The following TRIM11 variants were observed in gnomAD, a reference collection of about 807,000 sequenced individuals.
TRIM11 encodes the protein E3 ubiquitin-protein ligase TRIM11.
TRIM11 carries 15 observed loss-of-function variants against 33.4 expected under a neutral mutation model. The observed-to-expected ratio is 0.45, with a 90% CI of 0.30 to 0.69. The LOEUF (loss-of-function observed/expected upper bound fraction) is 0.69, where lower values mean the gene tolerates loss of function less well. Among genes scored for constraint, TRIM11 ranks in the 30% least tolerant of loss-of-function variants. The pLI is 0.08. For missense variants in TRIM11, 499 were observed against 667.6 expected (o/e 0.75, Z 2.78); for synonymous variants, 281 against 302.6 (o/e 0.93, Z 0.74).
rs894073784 is a variant in TRIM11 at position 228,401,924 on chromosome 1, C to A, written c.504+142G>T. ...GAAAGGACCAGCCCTTCAGTGGGCT[C>A]GGTGGGGCCAGGCTGAAGCAGTGAC... On this transcript the variant is annotated intron_variant, in intron 2 of 5. Coordinates refer to ENST00000284551, the MANE Select transcript of TRIM11 (RefSeq NM_145214.3). This position sits in a 1 kb window ranked among gnomAD's most constrained non-coding sequence, Gnocchi z 6.1. 9 of 550,452 alleles carry A rather than the reference C, an allele frequency of 1.6e-5. No homozygotes were observed. The South Asian group carries it at 2.8e-4, about 17-fold the overall frequency. 34.1% of individuals were successfully genotyped at this position (550,452 alleles called of 1,614,324 possible).
rs150352596 is a variant in TRIM11, at chr1:228,403,109, G to C, written c.409-948C>G. 1 of 152,260 alleles carries C rather than the reference G, an allele frequency of 6.6e-6. No homozygotes were observed. Among genetic ancestry groups the C allele is most frequent in the African/African-American group, 2.4e-5 (1 of 41,456 alleles). The allele number at this position is 152,260 out of a possible 1,614,324, so 9.4% of individuals were successfully genotyped here. ...TTCCTCATGCTGTGCATACCAGGAA[G>C]CAGTGAAAATCCTGTACACAAGCTC... On this transcript the variant is annotated intron_variant, in intron 1 of 5. Coordinates refer to ENST00000284551, the MANE Select transcript of TRIM11 (RefSeq NM_145214.3). This position sits in a 1 kb window ranked among gnomAD's most constrained non-coding sequence, Gnocchi z 4.8.
At position 228,394,937 on chromosome 1, in the gene TRIM11, C is replaced by T. The variant is rs746984282; in HGVS notation, c.1175G>A (p.Arg392Gln). 1.2e-6 allele frequency: 2 copies of T among 1,614,150 alleles called. No homozygotes were observed. Among genetic ancestry groups the T allele is most frequent in the East Asian group, 4.5e-5 (2 of 44,860 alleles). ...TGGGTCCCGGAGTGGAGCCAAGGCCCGTTCCGAGGAATTGTAATAGCTCCC... is the reference window on the plus strand; with the variant it reads ...TGGGTCCCGGAGTGGAGCCAAGGCCTGTTCCGAGGAATTGTAATAGCTCCC... ...FLGSYYNSSE[R>Q]ALAPLRDPPR... The change falls in exon 6 of 6, where the codon CGG becomes CAG. Residue 392 changes from arginine (R) to glutamine (Q), a missense_variant. Transcript: ENST00000284551. The surrounding 1 kb of genome is among the most constrained non-coding windows in gnomAD (Gnocchi z 6.2).
intron 5 of TRIM11, chr1:228,396,625 G>C (rs774772093): frequency 1.4e-6 from 1 of 690,882 alleles, no homozygotes; most frequent in South Asian, 1.6e-5. Context: ...CTGAAGTGGG[G>C]GCAGTCTTAT....
At position 228,401,399 on chromosome 1, in the gene TRIM11, C is replaced by T. The variant is rs985576065; in HGVS notation, c.505-205G>A. ...GGCCAGACCCCAAACCCACCTGTGG[C>T]ACCTCCCAAACCCCAAATCCACCAC... On this transcript the variant is annotated intron_variant, in intron 2 of 5. Coordinates refer to ENST00000284551, the MANE Select transcript of TRIM11 (RefSeq NM_145214.3). The surrounding 1 kb of genome is among the most constrained non-coding windows in gnomAD (Gnocchi z 6.1). 1.8e-4 allele frequency among the ~76,000 whole-genome samples: 27 copies of T among 152,026 alleles called. No individual in the cohort carries two copies. Among genetic ancestry groups the T allele is most frequent in the Non-Finnish European group, 3.1e-4 (21 of 67,960 alleles).
chr1:228,396,951 A>G lies in TRIM11; in HGVS notation c.855T>C (p.Phe285=), dbSNP rs146050911. The change falls in exon 5 of 6, where the codon TTT becomes TTC. Residue 285 remains phenylalanine (F), a synonymous_variant. Transcript: ENST00000284551. ...ACCTGGGGCCTCCACACCTACCTCG[A>G]AACCTCCGCAGTGTCTCTACCAGTC... is the stretch of plus-strand genomic sequence containing the variant. ...VPGLVETLRR[F]RGDVTLDPDT... is the part of the protein sequence containing the mutation. 2.5e-5 allele frequency: 40 copies of G among 1,613,844 alleles called. No homozygotes were observed. The African/African-American group carries it at 4.5e-4, about 18-fold the overall frequency.
chr1:228,394,790 A>C lies in TRIM11; in HGVS notation c.1322T>G (p.Leu441Arg), dbSNP rs1406415759. ...EIPFSGTLRP[L>R]FSPLSSSPTP... ...CGGGCTGCTGGACAGGGGTGAGAAG[A>C]GGGGCCGCAGCGTCCCCGAGAAGGG... The change falls in exon 6 of 6, where the codon CTC becomes CGC. Residue 441 changes from leucine (L) to arginine (R), a missense_variant. Coordinates refer to ENST00000284551, the MANE Select transcript of TRIM11 (RefSeq NM_145214.3). The surrounding 1 kb of genome is among the most constrained non-coding windows in gnomAD (Gnocchi z 6.2). The C allele has an allele frequency of 6.2e-7, 1 of 1,614,038 alleles. No homozygotes were observed.
rs957003710 is a variant in TRIM11 at position 228,400,602 on chromosome 1, G to C, written c.735+362C>G. ...GGGGACACCATGGCAGGAATCCTAT[G>C]GGAGGCCCAAGGTGGTCCCAGCGAG... On this transcript the variant is annotated intron_variant, in intron 3 of 5. Transcript: ENST00000284551. This position sits in a 1 kb window ranked among gnomAD's most constrained non-coding sequence, Gnocchi z 4.5. Among the ~76,000 whole-genome samples the C allele has an allele frequency of 3.3e-5, 5 of 152,184 alleles. No homozygotes were observed. Among genetic ancestry groups the C allele is most frequent in the Non-Finnish European group, 7.4e-5 (5 of 68,020 alleles).
At position 228,401,045 on chromosome 1, in the gene TRIM11, T is replaced by C. The variant is rs748429422; in HGVS notation, c.654A>G (p.Leu218=). 3 of 1,612,270 alleles carry C rather than the reference T, an allele frequency of 1.9e-6. No individual in the cohort carries two copies. The highest frequency in any genetic ancestry group is 4.5e-5 in the East Asian group (2 of 44,824). The change falls in exon 3 of 6, where the codon CTA becomes CTG. Residue 218 remains leucine, a synonymous_variant. Transcript: ENST00000284551. The surrounding 1 kb of genome is among the most constrained non-coding windows in gnomAD (Gnocchi z 6.1). ...LPRLREGAAH[L]GQQSAHLAEL... is the part of the protein sequence containing the mutation. The stretch of plus-strand genomic sequence containing the variant: ...CAGCTAGGTGGGCGCTCTGCTGGCC[T>C]AGGTGGGCTGCGCCCTCCCGCAGCC...
At position 228,400,274 on chromosome 1, in the gene TRIM11, C is replaced by A. The variant is rs1261135109; in HGVS notation, c.735+690G>T. ...GAAGATGATAGCAGACACTCCCAGCCCACACGGGGCCTCTCAGCATGGGAG... is the reference window on the plus strand; with the variant it reads ...GAAGATGATAGCAGACACTCCCAGCACACACGGGGCCTCTCAGCATGGGAG... On this transcript the variant is annotated intron_variant, in intron 3 of 5. Coordinates refer to ENST00000284551, the MANE Select transcript of TRIM11 (RefSeq NM_145214.3). This position sits in a 1 kb window ranked among gnomAD's most constrained non-coding sequence, Gnocchi z 4.5. Among the ~76,000 whole-genome samples the A allele has an allele frequency of 6.6e-6, 1 of 152,242 alleles. No individual in the cohort carries two copies. The highest frequency in any genetic ancestry group is 1.5e-5 in the Non-Finnish European group (1 of 68,044).
rs2074960961 is a variant in TRIM11, at chr1:228,394,585, AG to A, written c.*119del. 20 of 1,139,240 alleles carry A rather than the reference AG, an allele frequency of 1.8e-5. No individual in the cohort carries two copies. In the East Asian group the frequency reaches 5.2e-4, roughly 29 times the overall value. The allele number at this position is 1,139,240 out of a possible 1,614,324, so 70.6% of individuals were successfully genotyped here. A position where few individuals can be genotyped will look rare whatever the true frequency, so the allele number is the denominator to read the frequency against. ...TCCCACGCAGGCTCAGAAAGGCACC[AG>A]GAGTTCCTCCTCTTGCTCAAAGGAC... is the stretch of plus-strand genomic sequence containing the variant. On this transcript the variant is annotated 3_prime_UTR_variant, in exon 6 of 6. Coordinates refer to ENST00000284551, the MANE Select transcript of TRIM11 (RefSeq NM_145214.3). The surrounding 1 kb of genome is among the most constrained non-coding windows in gnomAD (Gnocchi z 6.2).
chr1:228,402,315 G>A, intron 1 of TRIM11, 154 bp from the exon 2 acceptor site: 1 of 562,288 alleles, frequency 1.8e-6, no homozygotes, highest in Admixed American at 3.3e-5. Flanking sequence ...CAATAAGCGT[G>A]AGCCCTCATG....
rs1447371557 is a variant in TRIM11 at position 228,402,078 on chromosome 1, G to A, written c.492C>T (p.Cys164=). 6 of 1,612,320 alleles carry A rather than the reference G, an allele frequency of 3.7e-6. No individual in the cohort carries two copies. The highest frequency in any genetic ancestry group is 3.3e-5 in the South Asian group (3 of 90,780). The change falls in exon 2 of 6, where the codon TGC becomes TGT. Residue 164 remains cysteine, a synonymous_variant. Transcript: ENST00000284551. Reference sequence around the variant, plus strand: ...CCCCAGCACCTGCCTGCCACAAGACGCAGGTCTCATCCGCCTGGGCTTGGA... The same window carrying A: ...CCCCAGCACCTGCCTGCCACAAGACACAGGTCTCATCCGCCTGGGCTTGGA... The part of the protein sequence containing the change: ...LLFQAQADET[C]VLWQKMVESQ...
At chr1:228,402,008 A>G in intron 2 of TRIM11, 58 bp downstream of exon 2, 3 of 1,476,688 alleles carry the variant, frequency 2.0e-6, no homozygotes, top group Non-Finnish European at 1.9e-6. Flanking sequence ...GGGGTCTCCT[A>G]TACAGGACCT....
chr1:228,396,641 T>G (rs1482773418), intron 5 of TRIM11: 1 of 707,258 alleles, frequency 1.4e-6, no homozygotes, highest in Non-Finnish European at 2.6e-6. Context: ...CTTATGGGAC[T>G]GAGCCCTTAA....
chr1:228,405,161 G>C (rs762230736), intron 1 of TRIM11: 1 of 152,248 alleles, frequency 6.6e-6, no homozygotes, highest in Non-Finnish European at 1.5e-5. Context: ...GCAAAGAAAA[G>C]AAAACCCAAA....
intron 1 of TRIM11, chr1:228,405,455 G>A (rs115167859): frequency 1.3e-5 from 2 of 152,318 alleles, no homozygotes; most frequent in African/African-American, 4.8e-5. Flanking sequence ...GCAGGTCAGC[G>A]AGGAAAGAGG....
rs374029422 is a variant in TRIM11 at position 228,394,796 on chromosome 1, C to T, written c.1316G>A (p.Arg439Gln). 5 of 1,613,980 alleles carry T rather than the reference C, an allele frequency of 3.1e-6. No homozygotes were observed. The highest frequency in any genetic ancestry group is 4.2e-6 in the Non-Finnish European group (5 of 1,179,976). ...FPEIPFSGTL[R>Q]PLFSPLSSSP... ...GCTGGACAGGGGTGAGAAGAGGGGC[C>T]GCAGCGTCCCCGAGAAGGGGATCTC... Residue 439 changes from arginine (R) to glutamine (Q), a missense_variant, in exon 6 of 6, where the codon CGG becomes CAG. Physicochemically the swap from Arg to Gln is conservative, Grantham distance 43. Coordinates refer to ENST00000284551, the MANE Select transcript of TRIM11 (RefSeq NM_145214.3). This position sits in a 1 kb window ranked among gnomAD's most constrained non-coding sequence, Gnocchi z 6.2.
Position 228,394,282 on chromosome 1 carries a change from C to T in TRIM11, c.*423G>A, listed in dbSNP as rs578376. 147 of 171,246 alleles carry T rather than the reference C, an allele frequency of 8.6e-4. No individual in the cohort carries two copies. The highest frequency in any genetic ancestry group is 3.3e-3 in the African/African-American group (138 of 42,262). 10.6% of individuals were successfully genotyped at this position (171,246 alleles called of 1,614,324 possible). On this transcript the variant is annotated 3_prime_UTR_variant, in exon 6 of 6. Transcript: ENST00000284551. This position sits in a 1 kb window ranked among gnomAD's most constrained non-coding sequence, Gnocchi z 6.2. ...GGGCTGGCTCCCATCCCAGCTGCCT[C>T]CCCCAGCATCTTCAGAGGTGGGGTA...
rs767528117 is a variant in TRIM11, at chr1:228,402,100, T to C, written c.470A>G (p.Gln157Arg). ...GACGCAGGTCTCATCCGCCTGGGCT[T>C]GGAACAGCAACGCATCCTGCATCTG... is the stretch of plus-strand genomic sequence containing the variant. The part of the protein sequence containing the change: ...RKQMQDALLF[Q>R]AQADETCVLW... Residue 157 changes from glutamine (Q) to arginine (R), a missense_variant, in exon 2 of 6, where the codon CAA (glutamine) becomes CGA (arginine). By Grantham distance (43) the Gln-to-Arg change is conservative. Coordinates refer to ENST00000284551, the MANE Select transcript of TRIM11 (RefSeq NM_145214.3). 3 of 1,613,294 alleles carry C rather than the reference T, an allele frequency of 1.9e-6. No individual in the cohort carries two copies. The highest frequency in any genetic ancestry group is 1.1e-5 in the South Asian group (1 of 90,930).
Sources: gnomAD v4.1 joint callset for allele counts (sites outside exome capture counted in the v4.1 genomes callset) on GRCh38, gnomAD v4.1.1 for gene constraint, Gnocchi (gnomAD v3.1) non-coding constraint, MANE v1.5 for transcripts, NCBI Gene and HGNC (gene_info 2026-07-23, HGNC 2026-07-21) for gene names.